FBXO34: variants seen among roughly 807,000 people sequenced by gnomAD.
FBXO34 encodes F-box only protein 34.
Under a neutral mutation model 24.5 loss-of-function variants are expected in FBXO34, and 12 were observed. That is an observed-to-expected ratio of 0.49 (90% CI 0.31 to 0.79). The LOEUF (loss-of-function observed/expected upper bound fraction) is 0.79, where lower values mean the gene tolerates loss of function less well. Ranked by LOEUF, FBXO34 falls within the 30% of genes least tolerant of loss-of-function variation. FBXO34 has a pLI of 0.04. For synonymous variants in FBXO34, 320 were observed against 311.9 expected, an observed-to-expected ratio of 1.03 and a Z score of -0.27; for missense variants, 823 against 857.7, an observed-to-expected ratio of 0.96 and a Z score of 0.51.
chr14:55,312,276 C>A (rs552881787), intron 1 of FBXO34, among the ~76,000 whole-genome samples: 1 of 152,308 alleles, frequency 6.6e-6, no homozygotes, highest in African/African-American at 2.4e-5. Context: ...CACACTGATG[C>A]AAGATTTAGG....
At chr14:55,365,236 A>C (rs562084488), downstream of FBXO34, among the ~76,000 whole-genome samples, 2,170 of 150,342 alleles carry the variant, frequency 0.014, 41 homozygotes, top group African/African-American at 0.044. Context: ...AAAAAAAAAA[A>C]AAAAAAAAAC....
At chr14:55,310,709 G>A (rs542814789) in intron 1 of FBXO34, among the ~76,000 whole-genome samples, 8 of 152,166 alleles carry the variant, frequency 5.3e-5, no homozygotes, top group South Asian at 4.1e-4. Flanking sequence ...CATACAAATC[G>A]AATCACTCTT....
the FBXO34 span, among the ~76,000 whole-genome samples, chr14:55,437,564 A>G: frequency 6.6e-6 from 1 of 152,232 alleles, no homozygotes; most frequent in Non-Finnish European, 1.5e-5. Flanking sequence ...TTCATAAACT[A>G]TCTTAGCTAC....
chr14:55,302,313 G>T (rs758899675), intron 1 of FBXO34, among the ~76,000 whole-genome samples: 2 of 152,204 alleles, frequency 1.3e-5, no homozygotes. Flanking sequence ...TAGATAGGTA[G>T]ATTTGGACCT....
chr14:55,397,503 C>T, the FBXO34 span: 3 of 1,215,120 alleles, frequency 2.5e-6, no homozygotes, highest in Non-Finnish European at 3.6e-6. Context: ...TATGCAAATT[C>T]CCAAGAACCA....
At chr14:55,367,032 A>G (rs903664282) in intron 2 of FBXO34, 2 of 152,690 alleles carry the variant, frequency 1.3e-5, no homozygotes, top group African/African-American at 4.8e-5. Context: ...AAGTGCCTCT[A>G]GTTGATATTA....
At chr14:55,424,880 C>A in the FBXO34 span, among the ~76,000 whole-genome samples, 1 of 152,202 alleles carries the variant, frequency 6.6e-6, no homozygotes, top group Non-Finnish European at 1.5e-5. Flanking sequence ...CTTCTCCACA[C>A]TCCAGCCTGG....
At chr14:55,426,105 A>G in the FBXO34 span, among the ~76,000 whole-genome samples, 1 of 152,000 alleles carries the variant, frequency 6.6e-6, no homozygotes, top group South Asian at 2.1e-4. Flanking sequence ...CGTCTCTACT[A>G]AAAATACAAA....
intron 1 of FBXO34, chr14:55,282,749 G>T (rs144316592): frequency 6.6e-6 from 1 of 152,308 alleles, no homozygotes; most frequent in Non-Finnish European, 1.5e-5. Context: ...GTAGGAGTTG[G>T]TGTTCATTTG....
the FBXO34 span, among the ~76,000 whole-genome samples, chr14:55,382,734 A>G: frequency 1.3e-5 from 2 of 152,176 alleles, no homozygotes; most frequent in Admixed American, 6.5e-5. Context: ...AGCCCACACA[A>G]TGTGAGGAAG....
At chr14:55,302,673 T>C (rs1882405158) in intron 1 of FBXO34, among the ~76,000 whole-genome samples, 1 of 152,100 alleles carries the variant, frequency 6.6e-6, no homozygotes, top group Non-Finnish European at 1.5e-5. Flanking sequence ...GTAGCTATTT[T>C]ACTCATAGAC....
chr14:55,415,825 C>T, the FBXO34 span, among the ~76,000 whole-genome samples: 137 of 151,996 alleles, frequency 9.0e-4, no homozygotes, highest in Non-Finnish European at 1.8e-3. Context: ...GAGTTCGCAC[C>T]ATTACACTCC....
the FBXO34 span, among the ~76,000 whole-genome samples, chr14:55,422,460 A>G: frequency 1.2e-4 from 18 of 152,060 alleles, no homozygotes; most frequent in Non-Finnish European, 2.5e-4. Context: ...CATGTTGGCC[A>G]GGCTCATCTT....
chr14:55,304,885 A>G (rs1179912311), intron 1 of FBXO34, among the ~76,000 whole-genome samples: 3 of 152,148 alleles, frequency 2.0e-5, no homozygotes, highest in African/African-American at 4.8e-5. Context: ...TTTTAAAAAG[A>G]TTTATTTAAA....
downstream of FBXO34, among the ~76,000 whole-genome samples, chr14:55,358,536 G>A (rs1344724278): frequency 6.6e-6 from 1 of 152,180 alleles, no homozygotes; most frequent in Non-Finnish European, 1.5e-5. Flanking sequence ...AAGGGCTGGA[G>A]GTCCTGAGGT....
chr14:55,333,517 C>T (rs1316232684), intron 1 of FBXO34, among the ~76,000 whole-genome samples: 1 of 152,072 alleles, frequency 6.6e-6, no homozygotes, highest in Non-Finnish European at 1.5e-5. Context: ...TTAATAAAAC[C>T]TTGTGGCTCT....
the FBXO34 span, chr14:55,440,682 A>G: frequency 9.6e-7 from 1 of 1,036,532 alleles, no homozygotes; most frequent in Middle Eastern, 3.2e-4. Context: ...GGAAGCGGAG[A>G]TGGGCTAGGG....
rs1555337910 is a variant in FBXO34, at chr14:55,323,184, C to CTT, written c.-10-27197_-10-27196insTT. Among the ~76,000 whole-genome samples the CTT allele has an allele frequency of 5.8e-3, 71 of 12,162 alleles. 4 individuals carry two copies. Among genetic ancestry groups the CTT allele is most frequent in the African/African-American group, 0.035 (67 of 1,938 alleles). The allele number at this position is 12,162 out of a possible 152,430, so 8.0% of individuals were successfully genotyped here. The stretch of plus-strand genomic sequence containing the variant: ...TGGGCGACAGAGTGAGACTCTGTCT[C>CTT]AAAAAAAAAAAAAAAAAAAAAAAAA... On this transcript the variant is annotated intron_variant, in intron 1 of 1. Transcript: ENST00000313833.
the FBXO34 span, among the ~76,000 whole-genome samples, chr14:55,433,407 C>A: frequency 1.3e-5 from 2 of 150,656 alleles, no homozygotes; most frequent in African/African-American, 4.9e-5. Context: ...CCTGCTTAGG[C>A]CTCCCAAAGT....
Sources: gnomAD v4.1 joint callset for allele counts (sites outside exome capture counted in the v4.1 genomes callset) on GRCh38, gnomAD v4.1.1 for gene constraint, MANE v1.5 for transcripts, NCBI Gene and HGNC (gene_info 2026-07-23, HGNC 2026-07-21) for gene names.